ALK: variants seen among roughly 807,000 people sequenced by gnomAD.
The protein encoded by ALK is ALK tyrosine kinase receptor.
In ALK, 74 loss-of-function variants were observed where a neutral mutation model predicts 163.1. The observed-to-expected ratio is 0.45, with a 90% confidence interval of 0.38 to 0.55. The LOEUF is 0.55. Among genes scored for constraint, ALK ranks in the 20% least tolerant of loss-of-function variants. The pLI, the probability that ALK is intolerant of heterozygous loss-of-function variation, is 0.00. For synonymous variants in ALK, 960 were observed against 843.2 expected (o/e 1.14, Z -2.40); for missense variants, 2,063 against 2,105.3 (o/e 0.98, Z 0.39).
At chr2:29,305,428 C>T (rs1011715749) in intron 8 of ALK, among the ~76,000 whole-genome samples, 2 of 152,152 alleles carry the variant, frequency 1.3e-5, no homozygotes, top group Non-Finnish European at 2.9e-5. Flanking sequence ...GACCTGGAGG[C>T]CTGGTATCAG....
At chr2:29,855,185 A>T (rs1666108511) in intron 1 of ALK, among the ~76,000 whole-genome samples, 1 of 152,158 alleles carries the variant, frequency 6.6e-6, no homozygotes, top group African/African-American at 2.4e-5. Flanking sequence ...ACAAGCTAGC[A>T]CCCTGGCATT....
At chr2:29,601,884 C>G (rs1250092241) in intron 3 of ALK, among the ~76,000 whole-genome samples, 10 of 151,894 alleles carry the variant, frequency 6.6e-5, no homozygotes, top group African/African-American at 2.4e-4. Flanking sequence ...GATAGAAACT[C>G]TGAGAGAAGC....
chr2:29,801,689 A>C (rs915611404), intron 1 of ALK, among the ~76,000 whole-genome samples: 1 of 152,206 alleles, frequency 6.6e-6, no homozygotes, highest in South Asian at 2.1e-4. Context: ...CCAGGAGGAC[A>C]GAAATACAGC....
chr2:29,820,574 T>C (rs775547266), intron 1 of ALK, among the ~76,000 whole-genome samples: 18 of 152,200 alleles, frequency 1.2e-4, no homozygotes, highest in Non-Finnish European at 2.5e-4. Flanking sequence ...GCCTGAGCAA[T>C]GTACAAAACT....
chr2:29,795,726 C>G (rs570476517), intron 1 of ALK, among the ~76,000 whole-genome samples: 1 of 152,054 alleles, frequency 6.6e-6, no homozygotes, highest in Non-Finnish European at 1.5e-5. Flanking sequence ...TGAATCAACT[C>G]TAGTCTTTAA....
At chr2:29,693,424 CACACACACACACAG>C (rs1412637706) in intron 3 of ALK, among the ~76,000 whole-genome samples, 1 of 150,410 alleles carries the variant, frequency 6.6e-6, no homozygotes, top group Non-Finnish European at 1.5e-5. Context: ...CACACACACA[CACACACACACACAG>C]ACACACACAC....
At chr2:29,498,724 T>G (rs542760734) in intron 4 of ALK, among the ~76,000 whole-genome samples, 1 of 152,380 alleles carries the variant, frequency 6.6e-6, no homozygotes, top group African/African-American at 2.4e-5. Flanking sequence ...AGAAGCTGTT[T>G]GTGCTCACAG....
chr2:29,837,436 G>A (rs987089186), intron 1 of ALK, among the ~76,000 whole-genome samples: 1 of 152,180 alleles, frequency 6.6e-6, no homozygotes, highest in Admixed American at 6.6e-5. Flanking sequence ...TGCTGCACAT[G>A]TGCAGTATAA....
chr2:29,282,408 C>T lies in ALK; in HGVS notation c.1818-6912G>A, dbSNP rs1022411221. ...AAGATGAAGATGGGAGCTGATGGACCGCTTTGGATTCCTGGGACCATCCTT... is the reference window on the plus strand; with the variant it reads ...AAGATGAAGATGGGAGCTGATGGACTGCTTTGGATTCCTGGGACCATCCTT... On this transcript the variant is annotated intron_variant, in intron 9 of 28. Transcript: ENST00000389048. 4.6e-5 allele frequency among the ~76,000 whole-genome samples: 7 copies of T among 152,028 alleles called. No homozygotes were observed. The East Asian group carries it at 7.7e-4, about 17-fold the overall frequency.
At position 29,225,558 on chromosome 2, in the gene ALK, G is replaced by C. The variant is rs1663952844; in HGVS notation, c.3075C>G (p.Pro1025=). 6.2e-7 allele frequency: 1 copy of C among 1,609,268 alleles called. No individual in the cohort carries two copies. The highest frequency in any genetic ancestry group is 1.3e-5 in the African/African-American group (1 of 74,856). The part of the protein sequence containing the change: ...AEDGVSCIVS[P]TPEPHLPLSL... ...AGAGTGGCAGGTGTGGCTCCGGGGT[G>C]GGTGACACTGGAAGACAGGTCCCAC... Residue 1025 remains proline, a synonymous_variant, in exon 19 of 29, where the codon CCC becomes CCG. Coordinates refer to ENST00000389048, the MANE Select transcript of ALK (RefSeq NM_004304.5).
At chr2:29,484,546 T>G (rs940125928) in intron 4 of ALK, among the ~76,000 whole-genome samples, 1 of 152,194 alleles carries the variant, frequency 6.6e-6, no homozygotes, top group African/African-American at 2.4e-5. Flanking sequence ...AGTTTCATAA[T>G]TTTTAGATAC....
At position 29,466,233 on chromosome 2, in the gene ALK, T is replaced by C. The variant is rs1193749399; in HGVS notation, c.1154+65682A>G. ...CTTTAAAAAGCCGTGAAAACACTAG[T>C]ACAGACCTCAGAAAAGAATCTCCCA... is the stretch of plus-strand genomic sequence containing the variant. On this transcript the variant is annotated intron_variant, in intron 4 of 28. Transcript: ENST00000389048. Among the ~76,000 whole-genome samples the C allele has an allele frequency of 4.6e-5, 7 of 152,250 alleles. No homozygotes were observed. The East Asian group carries it at 1.3e-3, about 29-fold the overall frequency.
intron 5 of ALK, among the ~76,000 whole-genome samples, chr2:29,367,782 A>G (rs1573287708): frequency 6.6e-6 from 1 of 152,204 alleles, no homozygotes; most frequent in Non-Finnish European, 1.5e-5. Context: ...TTGGCAGGGG[A>G]GAATCTAGAA....
At chr2:29,541,938 C>T (rs1025264007) in intron 3 of ALK, among the ~76,000 whole-genome samples, 4 of 152,214 alleles carry the variant, frequency 2.6e-5, no homozygotes, top group Non-Finnish European at 5.9e-5. Flanking sequence ...CTCTTCCCTT[C>T]CTCCCATAAC....
chr2:29,351,138 G>C (rs1353958560), intron 5 of ALK, among the ~76,000 whole-genome samples: 1 of 152,130 alleles, frequency 6.6e-6, no homozygotes, highest in Non-Finnish European at 1.5e-5. Flanking sequence ...AACAGTGTTG[G>C]GAAACACTGA....
intron 1 of ALK, among the ~76,000 whole-genome samples, chr2:29,910,253 T>G (rs1368035043): frequency 6.6e-6 from 1 of 152,078 alleles, no homozygotes; most frequent in African/African-American, 2.4e-5. Context: ...GGCTGGTTTA[T>G]TAGCACATTA....
chr2:29,541,344 G>C (rs988723322), intron 3 of ALK, among the ~76,000 whole-genome samples: 2 of 152,212 alleles, frequency 1.3e-5, no homozygotes, highest in Non-Finnish European at 2.9e-5. Context: ...TTGCTCTGGA[G>C]TGCAGTGGCA....
chr2:29,591,625 A>T (rs1042667393), intron 3 of ALK, among the ~76,000 whole-genome samples: 3 of 152,156 alleles, frequency 2.0e-5, no homozygotes, highest in African/African-American at 2.4e-5. Context: ...GGCATTTTGA[A>T]TTTTTCTCAC....
intron 1 of ALK, among the ~76,000 whole-genome samples, chr2:29,879,605 G>A (rs1372835761): frequency 6.6e-6 from 1 of 152,192 alleles, no homozygotes; most frequent in Admixed American, 6.5e-5. Context: ...GGGTCTGAAG[G>A]ACTCACGTTT....
Sources: gnomAD v4.1 joint callset for allele counts (sites outside exome capture counted in the v4.1 genomes callset) on GRCh38, gnomAD v4.1.1 for gene constraint, MANE v1.5 for transcripts, NCBI Gene and HGNC (gene_info 2026-07-23, HGNC 2026-07-21) for gene names.